The following SNTB1 variants were observed in gnomAD, a reference collection of about 807,000 sequenced individuals.
The protein encoded by SNTB1 is syntrophin beta 1, also known as beta-1-syntrophin.
In SNTB1, 36 loss-of-function variants were observed where a neutral mutation model predicts 48.9. That is an observed-to-expected ratio of 0.74 (90% confidence interval 0.56 to 0.97). The LOEUF is 0.97. Among genes scored for constraint, SNTB1 ranks in the 50% least tolerant of loss-of-function variants. The pLI is 0.00. For missense variants in SNTB1, 786 were observed against 703.4 expected, an observed-to-expected ratio of 1.12 and a Z score of -1.33; for synonymous variants, 299 against 294.6, an observed-to-expected ratio of 1.01 and a Z score of -0.15.
intron 2 of SNTB1, among the ~76,000 whole-genome samples, chr8:120,654,187 A>G (rs1378748844): frequency 6.6e-6 from 1 of 151,816 alleles, no homozygotes; most frequent in Non-Finnish European, 1.5e-5. Flanking sequence ...GGCCCAGGGT[A>G]GGTCTCCACT....
Position 120,693,869 on chromosome 8 carries a change from C to A in SNTB1, c.611G>T (p.Gly204Val), listed in dbSNP as rs781378881. The change falls in exon 2 of 7, where the codon GGA becomes GTA. Residue 204 changes from glycine (G) to valine (V), a missense_variant. Gly to Val is a moderately radical substitution (Grantham distance 109). Transcript: ENST00000517992. ...MREATPYVKK[G>V]SPVSEIGWET... The stretch of plus-strand genomic sequence containing the variant: ...CCACCCAATCTCGGATACTGGGGAT[C>A]CTTTCTTCACATAGGGCGTGGCTTC... The A allele has an allele frequency of 1.2e-6, 2 of 1,614,118 alleles. No individual in the cohort carries two copies. The highest frequency in any genetic ancestry group is 1.7e-5 in the Admixed American group (1 of 60,012).
intron 1 of SNTB1, among the ~76,000 whole-genome samples, chr8:120,737,500 C>T (rs998984452): frequency 1.3e-5 from 2 of 152,158 alleles, no homozygotes; most frequent in Non-Finnish European, 2.9e-5. Context: ...GTGTCCAACT[C>T]TGACATATCT....
At position 120,620,716 on chromosome 8, in the gene SNTB1, G is replaced by C. The variant is rs954959393; in HGVS notation, c.996+11728C>G. Among the ~76,000 whole-genome samples the C allele has an allele frequency of 4.2e-5, 6 of 144,338 alleles. No homozygotes were observed. In the East Asian group the frequency reaches 1.2e-3, roughly 30 times the overall value. The allele number at this position is 144,338 out of a possible 152,430, so 94.7% of individuals were successfully genotyped here. On this transcript the variant is annotated intron_variant, in intron 3 of 6. Coordinates refer to ENST00000517992, the MANE Select transcript of SNTB1 (RefSeq NM_021021.4). The stretch of plus-strand genomic sequence containing the variant: ...TCAGCACTGACACTATTGACTTCAG[G>C]TTATCTTATGGTGTGTTCAGAGATC...
intron 5 of SNTB1, among the ~76,000 whole-genome samples, chr8:120,543,675 G>A (rs1004664839): frequency 1.3e-5 from 2 of 152,124 alleles, no homozygotes; most frequent in African/African-American, 4.8e-5. Flanking sequence ...AGTAGGCGGG[G>A]AGGCCTCCAA....
chr8:120,810,898 C>T (rs1459762914), intron 1 of SNTB1, among the ~76,000 whole-genome samples: 1 of 151,828 alleles, frequency 6.6e-6, no homozygotes, highest in Non-Finnish European at 1.5e-5. Context: ...TCTAAGTTCA[C>T]CCTTCATTCT....
chr8:120,711,883 C>CT (rs1262798601), intron 1 of SNTB1, among the ~76,000 whole-genome samples: 1 of 152,050 alleles, frequency 6.6e-6, no homozygotes, highest in Non-Finnish European at 1.5e-5. Context: ...ATTTTCTTTT[C>CT]TTTTTTAAAT....
intron 2 of SNTB1, among the ~76,000 whole-genome samples, chr8:120,673,685 G>A (rs945894511): frequency 5.9e-5 from 9 of 152,030 alleles, no homozygotes; most frequent in Non-Finnish European, 1.3e-4. Context: ...CCTGTTTCAG[G>A]GCCTCTTGCT....
chr8:120,753,644 A>G (rs1009251170), intron 1 of SNTB1, among the ~76,000 whole-genome samples: 1 of 152,194 alleles, frequency 6.6e-6, no homozygotes, highest in Non-Finnish European at 1.5e-5. Flanking sequence ...GTAAGGGGAG[A>G]ATAAGCAAGG....
At chr8:120,668,214 T>G (rs1264242338) in intron 2 of SNTB1, among the ~76,000 whole-genome samples, 1 of 152,210 alleles carries the variant, frequency 6.6e-6, no homozygotes, top group Non-Finnish European at 1.5e-5. Flanking sequence ...TCCCTCTCCC[T>G]GGGCCATGGC....
At chr8:120,685,653 A>G (rs1348939884) in intron 2 of SNTB1, among the ~76,000 whole-genome samples, 2 of 152,052 alleles carry the variant, frequency 1.3e-5, no homozygotes, top group African/African-American at 4.8e-5. Flanking sequence ...TACTCATCCT[A>G]ATCTCTTTAT....
chr8:120,679,083 C>A (rs1408033870), intron 2 of SNTB1, among the ~76,000 whole-genome samples: 1 of 152,180 alleles, frequency 6.6e-6, no homozygotes, highest in Non-Finnish European at 1.5e-5. Context: ...CCACTGGGTG[C>A]TAGGTCCTGG....
intron 2 of SNTB1, among the ~76,000 whole-genome samples, chr8:120,662,429 G>A (rs918340822): frequency 1.3e-5 from 2 of 152,298 alleles, no homozygotes; most frequent in South Asian, 2.1e-4. Flanking sequence ...GTTTTGTTTC[G>A]ACTTCATTAG....
chr8:120,795,865 T>C (rs1489801329), intron 1 of SNTB1, among the ~76,000 whole-genome samples: 2 of 152,008 alleles, frequency 1.3e-5, no homozygotes, highest in African/African-American at 4.8e-5. Flanking sequence ...TTCATGTTCA[T>C]ATGGCCCCTC....
At chr8:120,760,566 A>T (rs182776869) in intron 1 of SNTB1, among the ~76,000 whole-genome samples, 217 of 152,272 alleles carry the variant, frequency 1.4e-3, no homozygotes, top group Admixed American at 3.1e-3. Flanking sequence ...GCACATTTGT[A>T]TGAGTTTTAC....
intron 4 of SNTB1, among the ~76,000 whole-genome samples, chr8:120,571,846 A>G (rs1039113523): frequency 2.0e-5 from 3 of 152,088 alleles, no homozygotes; most frequent in Admixed American, 1.3e-4. Context: ...TTTAGTAGCC[A>G]TTCTGCCAAA....
chr8:120,660,425 G>T (rs192218597), intron 2 of SNTB1, among the ~76,000 whole-genome samples: 1 of 152,288 alleles, frequency 6.6e-6, no homozygotes, highest in Admixed American at 6.5e-5. Flanking sequence ...ACTAACTTCT[G>T]CTAGCTTCAC....
chr8:120,788,010 A>G (rs1217387764), intron 1 of SNTB1, among the ~76,000 whole-genome samples: 5 of 152,188 alleles, frequency 3.3e-5, no homozygotes, highest in Non-Finnish European at 7.4e-5. Flanking sequence ...AGGAAAATCT[A>G]TCAGACTAAC....
intron 1 of SNTB1, among the ~76,000 whole-genome samples, chr8:120,795,183 A>C (rs1820102541): frequency 6.6e-6 from 1 of 152,054 alleles, no homozygotes; most frequent in Non-Finnish European, 1.5e-5. Context: ...GATTTTAGCA[A>C]ATCTATTAAT....
intron 2 of SNTB1, among the ~76,000 whole-genome samples, chr8:120,648,899 T>G (rs985412552): frequency 1.4e-4 from 21 of 152,012 alleles, no homozygotes; most frequent in African/African-American, 4.1e-4. Flanking sequence ...CTTCCCTTCT[T>G]GCTTCATTTC....
Sources: gnomAD v4.1 joint callset for allele counts (sites outside exome capture counted in the v4.1 genomes callset) on GRCh38, gnomAD v4.1.1 for gene constraint, MANE v1.5 for transcripts, NCBI Gene and HGNC (gene_info 2026-07-23, HGNC 2026-07-21) for gene names.